Variants in LAMA3 observed in about 807,000 individuals in gnomAD.
LAMA3 encodes the protein laminin subunit alpha 3.
In LAMA3, 281 loss-of-function variants were observed where a neutral mutation model predicts 402.0. That is an observed-to-expected ratio of 0.70 (90% CI 0.63 to 0.77). LAMA3 has a LOEUF of 0.77. LAMA3 is among the 30% of genes least tolerant of loss of function. The pLI is 0.00. For missense variants in LAMA3, 3,840 were observed against 4,215.5 expected (o/e 0.91, Z 2.47); for synonymous variants, 1,431 against 1,558.4 (o/e 0.92, Z 1.93).
At chr18:23,817,014 C>G (rs539136922) in intron 18 of LAMA3, among the ~76,000 whole-genome samples, 1 of 152,186 alleles carries the variant, frequency 6.6e-6, no homozygotes, top group Non-Finnish European at 1.5e-5. Context: ...GGTTCAGTTC[C>G]TGTTTCCCTC....
intron 35 of LAMA3, 115 bp from the exon 36 acceptor site, chr18:23,864,670 C>G (rs1262243403): frequency 1.4e-6 from 1 of 728,402 alleles, no homozygotes. Context: ...CCCTTGTTAC[C>G]AGGTCGAGTG....
intron 68 of LAMA3, among the ~76,000 whole-genome samples, chr18:23,940,449 G>A (rs929305551): frequency 1.3e-5 from 2 of 152,198 alleles, no homozygotes; most frequent in South Asian, 2.1e-4. Context: ...CTTGGAGCAC[G>A]ACTTCATGGC....
intron 47 of LAMA3, 31 bp downstream of exon 47, chr18:23,899,486 T>C: frequency 6.2e-7 from 1 of 1,608,364 alleles, no homozygotes; most frequent in Non-Finnish European, 8.5e-7. Flanking sequence ...TTGCATCCAG[T>C]CCATTCTAAT....
chr18:23,880,876 G>GAAAAC (rs554688858), intron 39 of LAMA3, among the ~76,000 whole-genome samples: 86 of 152,168 alleles, frequency 5.7e-4, no homozygotes, highest in African/African-American at 1.9e-3. Flanking sequence ...GAATCTGTCT[G>GAAAAC]AAAACAAAAC....
In LAMA3 at chr18:23,914,466, C is replaced by T. The variant is rs2081541050; in HGVS notation, c.7386C>T (p.Tyr2462=). The T allele has an allele frequency of 6.2e-7, 1 of 1,614,176 alleles. No homozygotes were observed. Among genetic ancestry groups the T allele is most frequent in the Non-Finnish European group, 8.5e-7 (1 of 1,180,022 alleles). Residue 2462 remains tyrosine (Y), a synonymous_variant, in exon 57 of 75, where the codon TAC becomes TAT. Transcript: ENST00000313654. ...TGGATGGCCAGCTCACCTGTGTCTA[C>T]AACCTGGGGGACCGTGAGGCTGAAC... The part of the protein sequence containing the change: ...AVVDGQLTCV[Y]NLGDREAELQ...
intron 8 of LAMA3, among the ~76,000 whole-genome samples, chr18:23,766,747 G>T (rs1285260419): frequency 2.0e-5 from 3 of 152,002 alleles, no homozygotes; most frequent in Non-Finnish European, 4.4e-5. Flanking sequence ...GCTGAGGCAT[G>T]AGAATCACTT....
chr18:23,940,935 TTTTC>T (rs2082483145), intron 68 of LAMA3, among the ~76,000 whole-genome samples: 4 of 69,368 alleles, frequency 5.8e-5, no homozygotes, highest in Admixed American at 3.5e-4. Context: ...TCCCTCTTTC[TTTTC>T]TTTTTTTTTT....
At chr18:23,886,347 C>T (rs575868203) in intron 41 of LAMA3, among the ~76,000 whole-genome samples, 1 of 152,290 alleles carries the variant, frequency 6.6e-6, no homozygotes, top group Admixed American at 6.5e-5. Context: ...TAAATATTTG[C>T]TAATTAGGGC....
chr18:23,695,947 A>G (rs2060679864), intron 1 of LAMA3, among the ~76,000 whole-genome samples: 1 of 149,654 alleles, frequency 6.7e-6, no homozygotes, highest in Non-Finnish European at 1.5e-5. Flanking sequence ...CATACCTGTG[A>G]GCCTTGGATC....
intron 23 of LAMA3, among the ~76,000 whole-genome samples, chr18:23,832,209 GGT>G (rs2063501757): frequency 6.6e-6 from 1 of 152,156 alleles, no homozygotes; most frequent in South Asian, 2.1e-4. Context: ...AGTGTTTTGT[GGT>G]GGGGTAATGA....
rs141645580 is a variant in LAMA3, at chr18:23,899,374, C to G, written c.5923C>G (p.Arg1975Gly). Residue 1975 changes from arginine (R) to glycine (G), a missense_variant, in exon 47 of 75, where the codon CGC becomes GGC. This residue lies in a region of LAMA3 where 891 missense variants were observed against 857.5 expected (regional missense o/e 1.04). Transcript: ENST00000313654. ...DFSREWAEAQRMMRELRNRNF... is the reference protein window; with the variant it reads ...DFSREWAEAQGMMRELRNRNF... ...TTCCAGAGAGTGGGCTGAAGCCCAG[C>G]GCATGATGAGGGAACTGCGGAACAG... 3.0e-5 allele frequency: 49 copies of G among 1,613,770 alleles called. No individual in the cohort carries two copies. Among genetic ancestry groups the G allele is most frequent in the Non-Finnish European group, 3.9e-5 (46 of 1,179,840 alleles).
Position 23,872,989 on chromosome 18 carries a change from G to A in LAMA3, c.4998+1328G>A. ...CCCGGGCACTGAGCAGGAAGGGCAG[G>A]TATAAGAGGAAGAGGCAGAGGTTCC... On this transcript the variant is annotated intron_variant, in intron 38 of 74. Transcript: ENST00000313654. The A allele has an allele frequency of 2.5e-6, 4 of 1,610,344 alleles. No homozygotes were observed. The South Asian group carries it at 4.4e-5, about 18-fold the overall frequency.
intron 11 of LAMA3, among the ~76,000 whole-genome samples, chr18:23,779,833 C>A (rs1367035084): frequency 1.3e-5 from 2 of 152,136 alleles, no homozygotes; most frequent in African/African-American, 4.8e-5. Context: ...TATAACAGGA[C>A]CTCAGTTACC....
Position 23,913,372 on chromosome 18 carries a change from C to T in LAMA3, c.7329+491C>T, listed in dbSNP as rs915876290. On this transcript the variant is annotated intron_variant, in intron 56 of 74. Coordinates refer to ENST00000313654, the MANE Select transcript of LAMA3 (RefSeq NM_198129.4). ...CTGGAGTGGAATGAATCCTCCCTCTCCTGCCTAAATGATAAGAAAAGCAGT... is the reference window on the plus strand; with the variant it reads ...CTGGAGTGGAATGAATCCTCCCTCTTCTGCCTAAATGATAAGAAAAGCAGT... Among the ~76,000 whole-genome samples the T allele has an allele frequency of 3.9e-5, 6 of 152,206 alleles. No homozygotes were observed. The South Asian group carries it at 1.0e-3, about 26-fold the overall frequency.
intron 3 of LAMA3, among the ~76,000 whole-genome samples, chr18:23,748,262 C>T (rs1018146584): frequency 4.6e-5 from 7 of 151,520 alleles, no homozygotes; most frequent in Non-Finnish European, 1.0e-4. Context: ...AACCCTGTCT[C>T]TACTAAAAAT....
intron 18 of LAMA3, among the ~76,000 whole-genome samples, chr18:23,817,324 T>G (rs903060550): frequency 1.3e-5 from 2 of 152,324 alleles, no homozygotes; most frequent in Admixed American, 1.3e-4. Context: ...CTTCTGAATC[T>G]CAGGTCCCTT....
chr18:23,847,664 T>G lies in LAMA3; in HGVS notation c.4132T>G (p.Cys1378Gly). 1 of 1,613,064 alleles carries G rather than the reference T, an allele frequency of 6.2e-7. No homozygotes were observed. The highest frequency in any genetic ancestry group is 8.5e-7 in the Non-Finnish European group (1 of 1,179,742). Residue 1378 changes from cysteine to glycine, a missense_variant, in exon 32 of 75, where the codon TGC becomes GGC. By Grantham distance (159) the Cys-to-Gly change is radical. Around this residue, in one of 3 missense-constraint regions of LAMA3, gnomAD observed 2,109 missense variants for 2,376.0 expected, o/e 0.89. Coordinates refer to ENST00000313654, the MANE Select transcript of LAMA3 (RefSeq NM_198129.4). ...GGAGTGTGACCGGGACAGCGGGCAG[T>G]GCAGGTGAGCTGGGGGAGTAGCCTG... Reference protein sequence around the residue: ...MPECDRDSGQCRCKPRITGRQ... With the variant: ...MPECDRDSGQGRCKPRITGRQ...
intron 10 of LAMA3, 56 bp from the exon 11 acceptor site, chr18:23,777,501 T>G: frequency 3.3e-6 from 4 of 1,207,158 alleles, no homozygotes; most frequent in Non-Finnish European, 4.9e-6. Flanking sequence ...ACTTAATGTT[T>G]TACTTTACTA....
chr18:23,824,318 C>A (rs755242688), intron 20 of LAMA3, 105 bp from the exon 21 acceptor site: 2 of 1,186,512 alleles, frequency 1.7e-6, no homozygotes, highest in African/African-American at 1.5e-5. Flanking sequence ...TACATATCAT[C>A]TTAAACTTTT....
Sources: allele counts gnomAD v4.1 joint callset (sites outside exome capture counted in the v4.1 genomes callset), GRCh38; gene constraint gnomAD v4.1.1; regional missense constraint gnomAD v4.1.1; transcripts MANE v1.5; gene names NCBI Gene and HGNC (gene_info 2026-07-23, HGNC 2026-07-21).